The following POLR3G variants were observed in gnomAD, a reference collection of about 807,000 sequenced individuals.
POLR3G encodes the protein RNA polymerase III subunit G, also known as DNA-directed RNA polymerase III subunit RPC7.
In POLR3G, 28 loss-of-function variants were observed where a neutral mutation model predicts 30.1. That is an observed-to-expected ratio of 0.93 (90% confidence interval 0.69 to 1.27). The LOEUF (loss-of-function observed/expected upper bound fraction) is 1.27, where lower values mean the gene tolerates loss of function less well. Ranked by LOEUF, POLR3G falls within the 50% of genes most tolerant of loss-of-function variation. The pLI, the probability that POLR3G is intolerant of heterozygous loss-of-function variation, is 0.00. For synonymous variants in POLR3G, 79 were observed against 82.5 expected, an observed-to-expected ratio of 0.96 and a Z score of 0.23; for missense variants, 254 against 264.6, an observed-to-expected ratio of 0.96 and a Z score of 0.28.
upstream of POLR3G, chr5:90,474,469 C>G: frequency 1.6e-6 from 1 of 615,358 alleles, no homozygotes; most frequent in Non-Finnish European, 2.8e-6. Context: ...AGGACGCAGA[C>G]CGACGCTGCC....
At chr5:90,504,619 AAAAAT>A (rs1282342370) in intron 6 of POLR3G, among the ~76,000 whole-genome samples, 1 of 152,150 alleles carries the variant, frequency 6.6e-6, no homozygotes, top group Admixed American at 6.5e-5. Flanking sequence ...TCTTAATTAT[AAAAAT>A]AAAATAATAG....
Position 90,495,682 on chromosome 5 carries a change from G to C in POLR3G, c.253G>C (p.Glu85Gln). 6.2e-7 allele frequency: 1 copy of C among 1,601,042 alleles called. No individual in the cohort carries two copies. The highest frequency in any genetic ancestry group is 8.5e-7 in the Non-Finnish European group (1 of 1,174,076). ...TTTATTCTTTTTTCCCCTAGATATTGAAAGGTATAGTAAAAGATACATGAA... is the reference window on the plus strand; with the variant it reads ...TTTATTCTTTTTTCCCCTAGATATTCAAAGGTATAGTAAAAGATACATGAA... ...IETPEERQDIERYSKRYMKVY... is the reference protein window; with the variant it reads ...IETPEERQDIQRYSKRYMKVY... The change falls in exon 4 of 8, where the codon GAA (glutamate) becomes CAA (glutamine). Residue 85 changes from glutamate (E) to glutamine (Q), a missense_variant. Coordinates refer to ENST00000651687, the MANE Select transcript of POLR3G (RefSeq NM_006467.3).
upstream of POLR3G, chr5:90,474,136 G>A (rs1377949520): frequency 6.3e-7 from 1 of 1,588,600 alleles, no homozygotes; most frequent in Admixed American, 1.8e-5. Flanking sequence ...TACTCCGGGA[G>A]GCTGCGCAGC....
At chr5:90,474,265 TGTG>T, upstream of POLR3G, 5 of 1,613,452 alleles carry the variant, frequency 3.1e-6, no homozygotes, top group South Asian at 5.5e-5. Context: ...CCTAGAGACT[TGTG>T]GGCGTACCAC....
rs1751920014 is a variant in POLR3G, at chr5:90,495,133, G to A, written c.248-544G>A. Among the ~76,000 whole-genome samples the A allele has an allele frequency of 2.0e-5, 3 of 152,152 alleles. No homozygotes were observed. In the South Asian group the frequency reaches 6.2e-4, roughly 31 times the overall value. ...GGTTATCTTTCTCTAATACGTGGTT[G>A]TATTATTTGGAAGCATATACTTGAC... is the stretch of plus-strand genomic sequence containing the variant. On this transcript the variant is annotated intron_variant, in intron 3 of 7. Transcript: ENST00000651687.
At position 90,488,075 on chromosome 5, in the gene POLR3G, A is replaced by G. The variant is rs757746737; in HGVS notation, c.193A>G (p.Arg65Gly). 1 of 1,612,096 alleles carries G rather than the reference A, an allele frequency of 6.2e-7. No individual in the cohort carries two copies. The highest frequency in any genetic ancestry group is 1.3e-5 in the African/African-American group (1 of 74,856). ...EYMLALKQEL[R>G]ETMKRMPYFI... ...TATGCTGGCTTTGAAACAGGAGTTGAGAGAAACAATGAAAAGAATGCCTTA... is the reference window on the plus strand; with the variant it reads ...TATGCTGGCTTTGAAACAGGAGTTGGGAGAAACAATGAAAAGAATGCCTTA... The change falls in exon 3 of 8, where the codon AGA (arginine) becomes GGA (glycine). Residue 65 changes from arginine (R) to glycine (G), a missense_variant. Physicochemically the swap from Arg to Gly is moderately radical, Grantham distance 125. Coordinates refer to ENST00000651687, the MANE Select transcript of POLR3G (RefSeq NM_006467.3).
chr5:90,482,338 C>T (rs777819961), intron 1 of POLR3G, among the ~76,000 whole-genome samples: 2 of 152,168 alleles, frequency 1.3e-5, no homozygotes, highest in African/African-American at 2.4e-5. Flanking sequence ...ACCACCTTTG[C>T]AAAATTATGA....
chr5:90,490,188 G>GGTACATTT (rs1751647533), intron 3 of POLR3G, among the ~76,000 whole-genome samples: 3 of 151,480 alleles, frequency 2.0e-5, no homozygotes, highest in Admixed American at 2.0e-4. Flanking sequence ...TTTTGTTGTT[G>GGTACATTT]GTCTATGGGA....
intron 5 of POLR3G, 149 bp from the exon 6 acceptor site, chr5:90,501,757 T>C: frequency 1.2e-6 from 1 of 852,832 alleles, no homozygotes; most frequent in Non-Finnish European, 1.7e-6. Context: ...TATGATTTGT[T>C]TATTCTTTGA....
intron 1 of POLR3G, among the ~76,000 whole-genome samples, 198 bp downstream of exon 1, chr5:90,475,218 A>G (rs887315284): frequency 6.6e-6 from 1 of 152,070 alleles, no homozygotes; most frequent in Non-Finnish European, 1.5e-5. Context: ...CAATTTCCAG[A>G]TCTTACCTAG....
chr5:90,475,424 A>G (rs1468306180), intron 1 of POLR3G, among the ~76,000 whole-genome samples: 4 of 151,992 alleles, frequency 2.6e-5, no homozygotes, highest in Admixed American at 6.6e-5. Context: ...GGAGTTGTTA[A>G]TATGGTTTGT....
chr5:90,474,538 C>G, upstream of POLR3G: 1 of 527,994 alleles, frequency 1.9e-6, no homozygotes. Context: ...GCTGCGCCAC[C>G]AGCACGGGGG....
chr5:90,477,770 T>A (rs767467892), intron 1 of POLR3G, among the ~76,000 whole-genome samples: 2 of 152,168 alleles, frequency 1.3e-5, no homozygotes, highest in Non-Finnish European at 2.9e-5. Context: ...AAAGAAAGAA[T>A]GAAGCAACAA....
chr5:90,512,120 T>C lies in POLR3G; in HGVS notation c.653T>C (p.Met218Thr), dbSNP rs1490391479. 1.2e-6 allele frequency: 2 copies of C among 1,603,370 alleles called. No individual in the cohort carries two copies. The highest frequency in any genetic ancestry group is 1.7e-6 in the Non-Finnish European group (2 of 1,170,788). ...TTTGGCGCAGACAGTGATGACAACA[T>C]GGATGAGGCAACCTATTAGGCATGA... is the stretch of plus-strand genomic sequence containing the variant. ...DDFGADSDDNMDEATY is the reference protein window; with the variant it reads ...DDFGADSDDNTDEATY Residue 218 changes from methionine (M) to threonine (T), a missense_variant, in exon 8 of 8, where the codon ATG becomes ACG. By Grantham distance (81) the Met-to-Thr change is moderately conservative (BLOSUM62 -1). Transcript: ENST00000651687.
intron 5 of POLR3G, among the ~76,000 whole-genome samples, chr5:90,498,324 G>A (rs920088240): frequency 6.6e-6 from 1 of 151,306 alleles, no homozygotes; most frequent in Non-Finnish European, 1.5e-5. Context: ...GTTTATTTTA[G>A]ATACAGGGGT....
rs1469337738 is a variant in POLR3G, at chr5:90,514,496, C to T, written c.*2357C>T. On this transcript the variant is annotated 3_prime_UTR_variant, in exon 8 of 8. Coordinates refer to ENST00000651687, the MANE Select transcript of POLR3G (RefSeq NM_006467.3). ...TGTTAATATAGATCTTAACTAGTAA[C>T]TATTAAGCAGGGATGTTTGTTCCAA... The T allele has an allele frequency of 1.3e-5, 2 of 152,102 alleles. No individual in the cohort carries two copies. The highest frequency in any genetic ancestry group is 2.4e-5 in the African/African-American group (1 of 41,394). The allele number at this position is 152,102 out of a possible 1,614,324, so 9.4% of individuals were successfully genotyped here.
chr5:90,490,094 G>A (rs572368452), intron 3 of POLR3G, among the ~76,000 whole-genome samples: 5 of 151,634 alleles, frequency 3.3e-5, no homozygotes, highest in Non-Finnish European at 5.9e-5. Context: ...GTGACAGAGT[G>A]AGACTCTGTC....
intron 3 of POLR3G, among the ~76,000 whole-genome samples, chr5:90,489,213 T>C (rs1044651420): frequency 1.8e-4 from 27 of 152,090 alleles, no homozygotes; most frequent in Admixed American, 3.3e-4. Flanking sequence ...CTGCTTTAAG[T>C]TATATAATGG....
At chr5:90,484,075 G>C (rs779608232) in intron 1 of POLR3G, among the ~76,000 whole-genome samples, 2 of 152,084 alleles carry the variant, frequency 1.3e-5, no homozygotes, top group Non-Finnish European at 2.9e-5. Flanking sequence ...GAATCACCTG[G>C]GAAGCTTCTA....
Sources: allele counts gnomAD v4.1 joint callset (sites outside exome capture counted in the v4.1 genomes callset), GRCh38; gene constraint gnomAD v4.1.1; transcripts MANE v1.5; gene names NCBI Gene and HGNC (gene_info 2026-07-23, HGNC 2026-07-21).